SLC6A3: variants seen among roughly 807,000 people sequenced by gnomAD.
The protein encoded by SLC6A3 is sodium-dependent dopamine transporter.
In SLC6A3, 19 loss-of-function variants were observed where a neutral mutation model predicts 70.4. That is an observed-to-expected ratio of 0.27 (90% confidence interval 0.19 to 0.40). The LOEUF (loss-of-function observed/expected upper bound fraction) is 0.40, where lower values mean the gene tolerates loss of function less well. Ranked by LOEUF, SLC6A3 falls within the 10% of genes least tolerant of loss-of-function variation. The pLI is 1.00. For missense variants in SLC6A3, 613 were observed against 838.5 expected (o/e 0.73, Z 3.32); for synonymous variants, 368 against 356.6 (o/e 1.03, Z -0.36).
In SLC6A3 at chr5:1,401,235, C is replaced by A. The variant is rs900005683; in HGVS notation, c.1768-249G>T. On this transcript the variant is annotated intron_variant, in intron 13 of 14. Transcript: ENST00000270349. This position sits in a 1 kb window ranked among gnomAD's most constrained non-coding sequence, Gnocchi z 6.1. ...TCCTGACGGTCCCCTTAAAGTCTAG[C>A]GCAGAGCAGAACATCAGCATTTGAG... is the stretch of plus-strand genomic sequence containing the variant. 1 of 687,066 alleles carries A rather than the reference C, an allele frequency of 1.5e-6. No homozygotes were observed. Among genetic ancestry groups the A allele is most frequent in the Non-Finnish European group, 2.7e-6 (1 of 375,088 alleles). 42.6% of individuals were successfully genotyped at this position (687,066 alleles called of 1,614,324 possible). A position where few individuals can be genotyped will look rare whatever the true frequency, so the allele number is the denominator to read the frequency against.
intron 4 of SLC6A3, among the ~76,000 whole-genome samples, chr5:1,428,544 AG>A (rs1308810140): frequency 6.6e-6 from 1 of 152,198 alleles, no homozygotes; most frequent in East Asian, 1.9e-4. Context: ...CCTACAAGGA[AG>A]GGTTCCTTTT....
intron 12 of SLC6A3, 118 bp from the exon 13 acceptor site, chr5:1,403,207 C>T: frequency 1.7e-6 from 2 of 1,201,656 alleles, no homozygotes; most frequent in Non-Finnish European, 1.2e-6. Flanking sequence ...TGTGCAGGTG[C>T]AGACCCCGGC....
rs548164392 is a variant in SLC6A3 at position 1,403,215 on chromosome 5, G to A, written c.1600-126C>T. ...CCACAGCTGTGCAGGTGCAGACCCCGGCCAGGCCTGCAGACATGGCAGCTG... is the reference window on the plus strand; with the variant it reads ...CCACAGCTGTGCAGGTGCAGACCCCAGCCAGGCCTGCAGACATGGCAGCTG... On this transcript the variant is annotated intron_variant, in intron 12 of 14. Coordinates refer to ENST00000270349, the MANE Select transcript of SLC6A3 (RefSeq NM_001044.5). The A allele has an allele frequency of 1.3e-4, 144 of 1,094,000 alleles. 1 individual carries two copies. The highest frequency in any genetic ancestry group is 8.6e-4 in the South Asian group (62 of 72,476). The allele number at this position is 1,094,000 out of a possible 1,614,324, so 67.8% of individuals were successfully genotyped here.
At position 1,438,030 on chromosome 5, in the gene SLC6A3, G is replaced by A. The variant is rs957324690; in HGVS notation, c.418+3329C>T. 2.0e-5 allele frequency among the ~76,000 whole-genome samples: 3 copies of A among 152,208 alleles called. No individual in the cohort carries two copies. Among genetic ancestry groups the A allele is most frequent in the Non-Finnish European group, 4.4e-5 (3 of 68,042 alleles). ...AGTCTCCTCTAAACTGGCATCCTGC[G>A]CTTGACAGGTAGGCAGAACAAACGG... On this transcript the variant is annotated intron_variant, in intron 3 of 14. Transcript: ENST00000270349. This position sits in a 1 kb window ranked among gnomAD's most constrained non-coding sequence, Gnocchi z 6.5.
intron 4 of SLC6A3, among the ~76,000 whole-genome samples, chr5:1,429,651 T>C (rs1406485265): frequency 6.6e-6 from 1 of 152,178 alleles, no homozygotes; most frequent in Non-Finnish European, 1.5e-5. Flanking sequence ...AGGAAGGCAG[T>C]CCCCACATGG....
intron 9 of SLC6A3, among the ~76,000 whole-genome samples, chr5:1,410,890 A>G (rs459092): frequency 6.6e-6 from 1 of 151,354 alleles, no homozygotes; most frequent in Non-Finnish European, 1.5e-5. Context: ...ATGTGTGTGC[A>G]TGCATGTGCA....
In SLC6A3 at chr5:1,443,209, G is replaced by A. The variant is rs770503082; in HGVS notation, c.-12C>T. ...TTGCTCTTACTCATGGGCACACTGG[G>A]AGTTGAGGAATTCTGTGCTTCTTCC... is the stretch of plus-strand genomic sequence containing the variant. On this transcript the variant is annotated 5_prime_UTR_variant, in exon 2 of 15. Coordinates refer to ENST00000270349, the MANE Select transcript of SLC6A3 (RefSeq NM_001044.5). 1.7e-5 allele frequency: 28 copies of A among 1,613,926 alleles called. No individual in the cohort carries two copies. The Admixed American group carries it at 4.7e-4, about 27-fold the overall frequency.
rs369212099 is a variant in SLC6A3, at chr5:1,428,099, A to G, written c.653+4365T>C. Among the ~76,000 whole-genome samples the G allele has an allele frequency of 1.3e-3, 201 of 152,286 alleles. 8 individuals carry two copies. The South Asian group carries it at 0.039, about 30-fold the overall frequency. ...ACCAGTGTAAACCATCTAGTAGGTC[A>G]TAAACAAGTCTCAATATATTTTAAA... On this transcript the variant is annotated intron_variant, in intron 4 of 14. Coordinates refer to ENST00000270349, the MANE Select transcript of SLC6A3 (RefSeq NM_001044.5).
Position 1,420,553 on chromosome 5 carries a change from A to G in SLC6A3, c.927+16T>C. On this transcript the variant is annotated intron_variant, in intron 6 of 14. Coordinates refer to ENST00000270349, the MANE Select transcript of SLC6A3 (RefSeq NM_001044.5). ...AGCCCCTGTGGACTGTGAAGCAGTG[A>G]GCAGACTGTACTCACAGACGCCTCG... 7 of 1,612,980 alleles carry G rather than the reference A, an allele frequency of 4.3e-6. No individual in the cohort carries two copies. Among genetic ancestry groups the G allele is most frequent in the Non-Finnish European group, 5.9e-6 (7 of 1,179,900 alleles).
intron 1 of SLC6A3, among the ~76,000 whole-genome samples, chr5:1,444,693 G>C (rs542457023): frequency 1.3e-5 from 2 of 152,220 alleles, no homozygotes; most frequent in Non-Finnish European, 2.9e-5. Flanking sequence ...TGCGGAGCTC[G>C]CGAGTCTCCG....
Position 1,396,519 on chromosome 5 carries a change from C to T in SLC6A3, c.1840-1761G>A, listed in dbSNP as rs1040009719. 6.6e-5 allele frequency among the ~76,000 whole-genome samples: 10 copies of T among 152,250 alleles called. No homozygotes were observed. Among genetic ancestry groups the T allele is most frequent in the Non-Finnish European group, 1.0e-4 (7 of 68,014 alleles). On this transcript the variant is annotated intron_variant, in intron 14 of 14. Transcript: ENST00000270349. The surrounding 1 kb of genome is among the most constrained non-coding windows in gnomAD (Gnocchi z 7.0). The stretch of plus-strand genomic sequence containing the variant: ...TGAGCTGAGACGCTGGAAAGGAGAG[C>T]GAGGGAAACGGAGGTGGCTGCAGTT...
rs1273713572 is a variant in SLC6A3, at chr5:1,401,626, C to A, written c.1768-640G>T. 6.6e-6 allele frequency among the ~76,000 whole-genome samples: 1 copy of A among 152,224 alleles called. No individual in the cohort carries two copies. The highest frequency in any genetic ancestry group is 1.5e-5 in the Non-Finnish European group (1 of 68,038). On this transcript the variant is annotated intron_variant, in intron 13 of 14. Transcript: ENST00000270349. The surrounding 1 kb of genome is among the most constrained non-coding windows in gnomAD (Gnocchi z 6.1). ...TGCGTGGCCCCACCCCACGTCATCA[C>A]CACAATTCCACTTGTACCTGGCTCA...
At position 1,432,462 on chromosome 5, in the gene SLC6A3, A is replaced by T; in HGVS notation, c.653+2T>A. On this transcript the variant is annotated splice_donor_variant, in intron 4 of 14. Transcript: ENST00000270349. LOFTEE classifies it high-confidence loss of function. ...GTTCCCGAGGACCCGACTCCCACTT[A>T]CTCAAAGTACTCGGCAGCAGGTGTG... 6.2e-7 allele frequency: 1 copy of T among 1,611,212 alleles called. No homozygotes were observed. The highest frequency in any genetic ancestry group is 8.5e-7 in the Non-Finnish European group (1 of 1,177,416).
rs559711258 is a variant in SLC6A3, at chr5:1,393,881, G to T, written c.*854C>A. Reference sequence around the variant, plus strand: ...ACACGCTCCTGTGGGGGCCCTGCATGCGTCCAGGGATAGGACATGCTCCTG... The same window carrying T: ...ACACGCTCCTGTGGGGGCCCTGCATTCGTCCAGGGATAGGACATGCTCCTG... On this transcript the variant is annotated 3_prime_UTR_variant, in exon 15 of 15. Coordinates refer to ENST00000270349, the MANE Select transcript of SLC6A3 (RefSeq NM_001044.5). 1.4e-4 allele frequency: 21 copies of T among 148,526 alleles called. No individual in the cohort carries two copies. In the East Asian group the frequency reaches 4.0e-3, roughly 28 times the overall value. The allele number at this position is 148,526 out of a possible 1,614,324, so 9.2% of individuals were successfully genotyped here.
In SLC6A3 at chr5:1,408,322, G is replaced by A. The variant is rs1032981648; in HGVS notation, c.1498+704C>T. Among the ~76,000 whole-genome samples, 6 of 151,694 alleles carry A rather than the reference G, an allele frequency of 4.0e-5. No individual in the cohort carries two copies. The highest frequency in any genetic ancestry group is 1.2e-4 in the African/African-American group (5 of 41,274). On this transcript the variant is annotated intron_variant, in intron 11 of 14. Coordinates refer to ENST00000270349, the MANE Select transcript of SLC6A3 (RefSeq NM_001044.5). This position sits in a 1 kb window ranked among gnomAD's most constrained non-coding sequence, Gnocchi z 6.4. ...CTCCCAAAGTGCTGGGATTACAGGC[G>A]TGAGTCACCGCGCCCGGACCACACA... is the stretch of plus-strand genomic sequence containing the variant.
In SLC6A3 at chr5:1,406,422, G is replaced by C; in HGVS notation, c.1499-134C>G. The C allele has an allele frequency of 1.3e-6, 1 of 771,976 alleles. No homozygotes were observed. Among genetic ancestry groups the C allele is most frequent in the Non-Finnish European group, 2.3e-6 (1 of 442,196 alleles). The allele number at this position is 771,976 out of a possible 1,614,324, so 47.8% of individuals were successfully genotyped here. On this transcript the variant is annotated intron_variant, in intron 11 of 14. Transcript: ENST00000270349. This position sits in a 1 kb window ranked among gnomAD's most constrained non-coding sequence, Gnocchi z 8.8. ...AGGCTTCGGCTGCACCCAGCCTCCT[G>C]CAGAGGAGGCCAGGCCACACCCCAG... is the stretch of plus-strand genomic sequence containing the variant.
chr5:1,421,872 T>G lies in SLC6A3; in HGVS notation c.792+4A>C, dbSNP rs1267746257. 6.2e-7 allele frequency: 1 copy of G among 1,613,156 alleles called. No individual in the cohort carries two copies. Among genetic ancestry groups the G allele is most frequent in the Non-Finnish European group, 8.5e-7 (1 of 1,179,984 alleles). ...AGGCCCAATTGGTGACCCCCGAGCCTCACCTTCCCTGAGGTCTTCACGCCC... is the reference window on the plus strand; with the variant it reads ...AGGCCCAATTGGTGACCCCCGAGCCGCACCTTCCCTGAGGTCTTCACGCCC... On this transcript the variant is annotated splice_donor_region_variant and intron_variant, in intron 5 of 14. Coordinates refer to ENST00000270349, the MANE Select transcript of SLC6A3 (RefSeq NM_001044.5). The surrounding 1 kb of genome is among the most constrained non-coding windows in gnomAD (Gnocchi z 7.2).
chr5:1,413,450 G>A lies in SLC6A3; in HGVS notation c.1156+1241C>T, dbSNP rs994445255. 1.3e-5 allele frequency among the ~76,000 whole-genome samples: 2 copies of A among 152,188 alleles called. No homozygotes were observed. The highest frequency in any genetic ancestry group is 2.9e-5 in the Non-Finnish European group (2 of 68,038). ...TAGTGCCCCACTCTGTGAGACTCAG[G>A]TGCGGTCAAGGCTGCCCCCGCTTGG... On this transcript the variant is annotated intron_variant, in intron 8 of 14. Coordinates refer to ENST00000270349, the MANE Select transcript of SLC6A3 (RefSeq NM_001044.5). The surrounding 1 kb of genome is among the most constrained non-coding windows in gnomAD (Gnocchi z 7.1).
rs188181404 is a variant in SLC6A3, at chr5:1,441,796, C to T, written c.287-306G>A. On this transcript the variant is annotated intron_variant, in intron 2 of 14. Coordinates refer to ENST00000270349, the MANE Select transcript of SLC6A3 (RefSeq NM_001044.5). Reference sequence around the variant, plus strand: ...CGGTGCTCTAGGTACTATCCTTCCCCGTGGTGGTTCGGGGTGCCCTTCCCT... The same window carrying T: ...CGGTGCTCTAGGTACTATCCTTCCCTGTGGTGGTTCGGGGTGCCCTTCCCT... 1.6e-3 allele frequency among the ~76,000 whole-genome samples: 243 copies of T among 152,272 alleles called. 2 individuals are homozygous for T. Among genetic ancestry groups the T allele is most frequent in the African/African-American group, 5.5e-3 (230 of 41,556 alleles).
Sources: allele counts gnomAD v4.1 joint callset (sites outside exome capture counted in the v4.1 genomes callset), GRCh38; gene constraint gnomAD v4.1.1; non-coding constraint Gnocchi (gnomAD v3.1); transcripts MANE v1.5; gene names NCBI Gene and HGNC (gene_info 2026-07-23, HGNC 2026-07-21).